HTR4: variants seen among roughly 807,000 people sequenced by gnomAD.
The protein encoded by HTR4 is 5-hydroxytryptamine (serotonin) receptor 4, G protein-coupled.
Under a neutral mutation model 36.8 loss-of-function variants are expected in HTR4, and 16 were observed. The observed-to-expected ratio is 0.43, with a 90% CI of 0.29 to 0.66. HTR4 has a LOEUF of 0.66. Ranked by LOEUF, HTR4 falls within the 30% of genes least tolerant of loss-of-function variation. The pLI, the probability that HTR4 is intolerant of heterozygous loss-of-function variation, is 0.13. For missense variants in HTR4, 438 were observed against 490.9 expected, an observed-to-expected ratio of 0.89 and a Z score of 1.02; for synonymous variants, 189 against 185.1, an observed-to-expected ratio of 1.02 and a Z score of -0.17.
At chr5:148,524,985 G>A (rs1197453189) in intron 4 of HTR4, among the ~76,000 whole-genome samples, 1 of 152,148 alleles carries the variant, frequency 6.6e-6, no homozygotes, top group Non-Finnish European at 1.5e-5. Flanking sequence ...CTGAGGAGCA[G>A]CTGACGACAT....
intron 6 of HTR4, among the ~76,000 whole-genome samples, chr5:148,502,889 A>G (rs1194372093): frequency 1.3e-5 from 2 of 151,930 alleles, no homozygotes; most frequent in African/African-American, 2.4e-5. Context: ...AAGAAAGGGT[A>G]TCAGTGATTG....
At chr5:148,627,081 T>C (rs1284894108) in intron 2 of HTR4, among the ~76,000 whole-genome samples, 1 of 152,174 alleles carries the variant, frequency 6.6e-6, no homozygotes, top group Non-Finnish European at 1.5e-5. Context: ...TGTTTTTTCC[T>C]TTACTCTCAC....
chr5:148,572,725 A>G (rs1259714928), intron 2 of HTR4, among the ~76,000 whole-genome samples: 1 of 152,086 alleles, frequency 6.6e-6, no homozygotes, highest in East Asian at 1.9e-4. Context: ...CTGTCTCTAG[A>G]ACCCTTTTCT....
intron 2 of HTR4, among the ~76,000 whole-genome samples, chr5:148,612,120 G>A (rs957752921): frequency 1.8e-4 from 28 of 152,194 alleles, no homozygotes; most frequent in African/African-American, 5.5e-4. Flanking sequence ...ACAGATCAAC[G>A]AGACAGAAAG....
intron 2 of HTR4, among the ~76,000 whole-genome samples, chr5:148,609,755 A>T (rs1752332655): frequency 6.6e-6 from 1 of 151,862 alleles, no homozygotes; most frequent in Non-Finnish European, 1.5e-5. Context: ...TTTAGTAGAG[A>T]CGGGGTTTCA....
At chr5:148,587,094 CTT>C (rs980700100) in intron 2 of HTR4, among the ~76,000 whole-genome samples, 3 of 152,192 alleles carry the variant, frequency 2.0e-5, no homozygotes, top group African/African-American at 7.2e-5. Flanking sequence ...GCTTTAGAAA[CTT>C]ATCGTACCTG....
intron 2 of HTR4, among the ~76,000 whole-genome samples, chr5:148,582,669 A>G (rs1284023329): frequency 6.6e-6 from 1 of 152,158 alleles, no homozygotes; most frequent in Non-Finnish European, 1.5e-5. Flanking sequence ...TAGGTCTCCA[A>G]TAATTATTCT....
chr5:148,475,446 G>A (rs2113708491), downstream of HTR4, among the ~76,000 whole-genome samples: 1 of 152,180 alleles, frequency 6.6e-6, no homozygotes, highest in East Asian at 1.9e-4. Flanking sequence ...CTCTTGCTTG[G>A]GAGACACATT....
chr5:148,532,477 A>G (rs1758619167), intron 4 of HTR4, among the ~76,000 whole-genome samples: 1 of 152,212 alleles, frequency 6.6e-6, no homozygotes, highest in Admixed American at 6.5e-5. Flanking sequence ...TTCCATTAAA[A>G]TATGTTACCA....
intron 6 of HTR4, among the ~76,000 whole-genome samples, chr5:148,507,262 A>T (rs987920065): frequency 1.3e-5 from 2 of 151,570 alleles, no homozygotes; most frequent in Non-Finnish European, 2.9e-5. Context: ...TTCTCAGCAA[A>T]CTATCGCAAG....
chr5:148,648,285 T>A (rs958278216), intron 1 of HTR4, among the ~76,000 whole-genome samples: 1 of 152,160 alleles, frequency 6.6e-6, no homozygotes, highest in East Asian at 1.9e-4. Flanking sequence ...TGATCTACTG[T>A]GCAGGTAGAA....
intron 2 of HTR4, among the ~76,000 whole-genome samples, chr5:148,590,740 G>A (rs768974513): frequency 6.0e-5 from 9 of 151,058 alleles, no homozygotes; most frequent in East Asian, 1.9e-4. Context: ...TAGATGATAC[G>A]TAGTGTACAA....
intron 2 of HTR4, among the ~76,000 whole-genome samples, chr5:148,575,747 T>C (rs1161128692): frequency 6.6e-6 from 1 of 152,038 alleles, no homozygotes; most frequent in Admixed American, 6.6e-5. Context: ...TTAAATAAAC[T>C]AAACATATCA....
intron 6 of HTR4, among the ~76,000 whole-genome samples, chr5:148,490,166 C>T (rs573000027): frequency 6.8e-6 from 1 of 146,208 alleles, no homozygotes; most frequent in East Asian, 2.0e-4. Flanking sequence ...ATATAATATA[C>T]ATATACATAT....
intron 4 of HTR4, among the ~76,000 whole-genome samples, chr5:148,543,359 A>G (rs1431156168): frequency 1.3e-5 from 2 of 152,144 alleles, no homozygotes; most frequent in Non-Finnish European, 2.9e-5. Context: ...AGACTAAATG[A>G]CATTGTTCAA....
chr5:148,557,091 T>C (rs1221347605), intron 2 of HTR4, among the ~76,000 whole-genome samples: 1 of 152,106 alleles, frequency 6.6e-6, no homozygotes, highest in Non-Finnish European at 1.5e-5. Context: ...CCCTGAGGGC[T>C]TTTTTGTGCT....
intron 4 of HTR4, among the ~76,000 whole-genome samples, chr5:148,545,569 G>A (rs959168906): frequency 2.0e-5 from 3 of 152,202 alleles, no homozygotes; most frequent in Non-Finnish European, 2.9e-5. Flanking sequence ...TGGAGTCAGC[G>A]AAGACTTCTG....
intron 2 of HTR4, among the ~76,000 whole-genome samples, chr5:148,570,630 C>T (rs1363513567): frequency 1.3e-5 from 2 of 152,024 alleles, no homozygotes; most frequent in Admixed American, 1.3e-4. Context: ...TGAGGGGATG[C>T]CTCATGTCAG....
At chr5:148,640,553 C>T (rs904641655) in intron 1 of HTR4, among the ~76,000 whole-genome samples, 1 of 152,152 alleles carries the variant, frequency 6.6e-6, no homozygotes, top group African/African-American at 2.4e-5. Context: ...GAAGGCAGAG[C>T]CACAACACAG....
Sources: allele counts gnomAD v4.1 joint callset (sites outside exome capture counted in the v4.1 genomes callset), GRCh38; gene constraint gnomAD v4.1.1; transcripts MANE v1.5; gene names NCBI Gene and HGNC (gene_info 2026-07-23, HGNC 2026-07-21).